CCDC83: variants seen among roughly 807,000 people sequenced by gnomAD.
CCDC83 encodes the protein coiled-coil domain-containing protein 83.
A neutral mutation model predicts 50.1 loss-of-function variants in CCDC83; 54 were observed. That is an observed-to-expected ratio of 1.08 (90% CI 0.87 to 1.35). The LOEUF (loss-of-function observed/expected upper bound fraction) is 1.35, where lower values mean the gene tolerates loss of function less well. CCDC83 is among the 40% of genes most tolerant of loss of function. The probability of loss-of-function intolerance (pLI) is 0.00; values close to 1 mark genes in which losing one functional copy is unlikely to be tolerated. For missense variants in CCDC83, 518 were observed against 473.9 expected (o/e 1.09, Z -0.86); for synonymous variants, 161 against 153.3 (o/e 1.05, Z -0.37).
At chr11:85,883,420 C>T (rs764727634) in intron 4 of CCDC83, among the ~76,000 whole-genome samples, 3 of 151,824 alleles carry the variant, frequency 2.0e-5, no homozygotes, top group Admixed American at 1.3e-4. Context: ...GGGAGCCAAG[C>T]ACCCCATTAG....
chr11:85,859,013 A>G (rs1393789333), intron 1 of CCDC83, among the ~76,000 whole-genome samples: 1 of 152,094 alleles, frequency 6.6e-6, no homozygotes, highest in Non-Finnish European at 1.5e-5. Context: ...TAAAAACATA[A>G]AAGCAAGCAT....
intron 1 of CCDC83, among the ~76,000 whole-genome samples, chr11:85,864,677 C>A (rs1024518077): frequency 6.6e-6 from 1 of 152,104 alleles, no homozygotes; most frequent in African/African-American, 2.4e-5. Flanking sequence ...CTAGCTTCTT[C>A]GTGCTCATAG....
chr11:85,885,972 C>T (rs1007634123), intron 4 of CCDC83, among the ~76,000 whole-genome samples: 2 of 152,164 alleles, frequency 1.3e-5, no homozygotes, highest in Non-Finnish European at 2.9e-5. Flanking sequence ...AACCCTCAAA[C>T]CACACATCTA....
chr11:85,858,597 GA>G (rs2153681289), intron 1 of CCDC83, among the ~76,000 whole-genome samples: 1 of 152,198 alleles, frequency 6.6e-6, no homozygotes, highest in East Asian at 1.9e-4. Flanking sequence ...CCTTGGTCAT[GA>G]TAGGGGTACA....
intron 3 of CCDC83, among the ~76,000 whole-genome samples, chr11:85,880,431 A>G (rs56143851): frequency 0.04 from 6,114 of 151,976 alleles, 144 homozygotes; most frequent in African/African-American, 0.067. Flanking sequence ...ATGCACCACC[A>G]CACCTGGCTA....
At chr11:85,882,432 C>T (rs2093305310) in intron 3 of CCDC83, 81 bp from the exon 4 acceptor site, 10 of 1,398,174 alleles carry the variant, frequency 7.2e-6, no homozygotes, top group South Asian at 2.7e-5. Context: ...ACCCAAAGGC[C>T]GGGAACTTCT....
intron 10 of CCDC83, among the ~76,000 whole-genome samples, chr11:85,917,347 T>C (rs1354047506): frequency 6.6e-6 from 1 of 152,062 alleles, no homozygotes; most frequent in Admixed American, 6.5e-5. Context: ...AAATCATACA[T>C]TGTCACTTCC....
chr11:85,860,035 T>C (rs1334178631), intron 1 of CCDC83, among the ~76,000 whole-genome samples: 2 of 152,122 alleles, frequency 1.3e-5, no homozygotes, highest in East Asian at 3.8e-4. Context: ...CCGCCTGTAA[T>C]CCCAGCACTT....
chr11:85,895,526 A>G, intron 6 of CCDC83, 142 bp downstream of exon 6: 1 of 552,912 alleles, frequency 1.8e-6, no homozygotes, highest in Non-Finnish European at 3.2e-6. Flanking sequence ...GTAACATAAT[A>G]TTAAAAGTTT....
At chr11:85,886,766 A>T (rs2093328917) in intron 5 of CCDC83, among the ~76,000 whole-genome samples, 1 of 152,184 alleles carries the variant, frequency 6.6e-6, no homozygotes. Flanking sequence ...TTAAAAAATC[A>T]GTTGGGCATG....
chr11:85,911,574 C>A (rs2093454593), intron 8 of CCDC83, among the ~76,000 whole-genome samples, 172 bp downstream of exon 8: 1 of 152,140 alleles, frequency 6.6e-6, no homozygotes. Context: ...TTACTATTGA[C>A]CATTGGTACA....
intron 7 of CCDC83, among the ~76,000 whole-genome samples, chr11:85,908,116 T>G (rs112596233): frequency 0.011 from 1,723 of 152,334 alleles, 16 homozygotes; most frequent in African/African-American, 0.039. Context: ...CTAAATTGTT[T>G]GAGGCAGATA....
chr11:85,906,769 C>CTTTTTACTTTTACTTGCAA (rs778653199), intron 7 of CCDC83, among the ~76,000 whole-genome samples: 1 of 151,792 alleles, frequency 6.6e-6, no homozygotes, highest in Non-Finnish European at 1.5e-5. Flanking sequence ...TCTGTGGTCC[C>CTTTTTACTTTTACTTGCAA]AGCTACTTAT....
intron 7 of CCDC83, among the ~76,000 whole-genome samples, chr11:85,902,716 T>C (rs1160218553): frequency 6.6e-6 from 1 of 152,148 alleles, no homozygotes; most frequent in African/African-American, 2.4e-5. Flanking sequence ...CCCCTGTGTA[T>C]ACTCAGGGGA....
chr11:85,883,569 T>C (rs990642794), intron 4 of CCDC83, among the ~76,000 whole-genome samples: 6 of 152,118 alleles, frequency 3.9e-5, no homozygotes, highest in African/African-American at 1.2e-4. Flanking sequence ...TGAGGGTAAA[T>C]CATGCAGTTC....
chr11:85,888,593 A>C (rs1330111325), intron 5 of CCDC83, among the ~76,000 whole-genome samples: 1 of 152,164 alleles, frequency 6.6e-6, no homozygotes, highest in African/African-American at 2.4e-5. Flanking sequence ...GGGTTTTTTA[A>C]TGAAGAAATG....
Position 85,881,369 on chromosome 11 carries a change from TC to T in CCDC83, c.181-1136del, listed in dbSNP as rs745847666. On this transcript the variant is annotated intron_variant, in intron 3 of 10. Transcript: ENST00000342404. ...GCCTTGGTGACAGAGCAAGACTCCA[TC>T]CCCCCCCAAAAAAAAAAAGTTTCAG... Among the ~76,000 whole-genome samples the T allele has an allele frequency of 3.3e-3, 472 of 144,012 alleles. 2 individuals are homozygous for T. The highest frequency in any genetic ancestry group is 9.4e-3 in the African/African-American group (365 of 38,974). 94.5% of individuals were successfully genotyped at this position (144,012 alleles called of 152,430 possible). A position where few individuals can be genotyped will look rare whatever the true frequency, so the allele number is the denominator to read the frequency against.
chr11:85,912,879 T>A, intron 8 of CCDC83: 2 of 653,068 alleles, frequency 3.1e-6, no homozygotes, highest in East Asian at 5.1e-5. Context: ...TCTGGTATAT[T>A]TGATTTTGTT....
At chr11:85,881,624 G>T (rs1382584580) in intron 3 of CCDC83, among the ~76,000 whole-genome samples, 3 of 152,024 alleles carry the variant, frequency 2.0e-5, no homozygotes, top group Non-Finnish European at 4.4e-5. Context: ...TCACTATGTT[G>T]TCCAGGCTAG....
Sources: allele counts gnomAD v4.1 joint callset (sites outside exome capture counted in the v4.1 genomes callset), GRCh38; gene constraint gnomAD v4.1.1; transcripts MANE v1.5; gene names NCBI Gene and HGNC (gene_info 2026-07-23, HGNC 2026-07-21).